Variants in GCA observed in about 807,000 individuals in gnomAD.
GCA encodes the protein grancalcin, EF-hand calcium-binding protein.
Under a neutral mutation model 32.6 loss-of-function variants are expected in GCA, and 30 were observed. The ratio of observed to expected loss-of-function variants is 0.92; its 90% CI spans 0.69 to 1.25. GCA has a LOEUF of 1.25. GCA is among the 50% of genes most tolerant of loss of function. GCA has a pLI of 0.00. For synonymous variants in GCA, 102 were observed against 84.6 expected (o/e 1.21, Z -1.13); for missense variants, 291 against 266.8 (o/e 1.09, Z -0.63).
intron 1 of GCA, among the ~76,000 whole-genome samples, chr2:162,334,111 C>T (rs1378702523): frequency 6.6e-6 from 1 of 152,194 alleles, no homozygotes; most frequent in Non-Finnish European, 1.5e-5. Flanking sequence ...AAAGCCTTCC[C>T]TTGCTTCCTT....
chr2:162,326,501 T>C (rs1683884923), intron 1 of GCA, among the ~76,000 whole-genome samples: 2 of 152,020 alleles, frequency 1.3e-5, no homozygotes, highest in Non-Finnish European at 2.9e-5. Context: ...GCATCCCTCA[T>C]TTCCCTTCTT....
At chr2:162,367,457 A>G (rs986902689), downstream of GCA, among the ~76,000 whole-genome samples, 1 of 152,026 alleles carries the variant, frequency 6.6e-6, no homozygotes, top group African/African-American at 2.4e-5. Context: ...GCCAGCCTTT[A>G]TAGAATACAT....
chr2:162,336,926 T>C (rs1684288815), intron 1 of GCA, among the ~76,000 whole-genome samples: 1 of 152,150 alleles, frequency 6.6e-6, no homozygotes, highest in African/African-American at 2.4e-5. Flanking sequence ...ATCTATTTTA[T>C]GCAATTTATC....
chr2:162,371,258 C>T (rs753803911), intron 4 of GCA: 70 of 1,005,392 alleles, frequency 7.0e-5, no homozygotes, highest in Non-Finnish European at 9.5e-5. Flanking sequence ...ATATGGCTTC[C>T]TATACTGTCA....
chr2:162,359,728 A>G (rs536589265), intron 7 of GCA, among the ~76,000 whole-genome samples, 176 bp downstream of exon 7: 1 of 151,302 alleles, frequency 6.6e-6, no homozygotes, highest in African/African-American at 2.4e-5. Flanking sequence ...GGTGCCAAAC[A>G]ATTTGACTTC....
intron 1 of GCA, among the ~76,000 whole-genome samples, chr2:162,332,322 A>AAAT (rs1553463268): frequency 1.5e-4 from 20 of 136,944 alleles, no homozygotes; most frequent in African/African-American, 5.2e-4. Context: ...AAAAAAAAAA[A>AAAT]ATATATATAT....
chr2:162,332,558 C>T (rs933317402), intron 1 of GCA, among the ~76,000 whole-genome samples: 4 of 151,762 alleles, frequency 2.6e-5, no homozygotes, highest in Non-Finnish European at 4.4e-5. Flanking sequence ...AGAATTACTT[C>T]GAAGGATTTT....
chr2:162,330,540 C>T (rs1362664049), intron 1 of GCA, among the ~76,000 whole-genome samples: 1 of 152,162 alleles, frequency 6.6e-6, no homozygotes, highest in Non-Finnish European at 1.5e-5. Context: ...GCTGATGTGG[C>T]CAATTCAGTC....
chr2:162,332,176 G>T (rs1432806684), intron 1 of GCA, among the ~76,000 whole-genome samples: 2 of 151,432 alleles, frequency 1.3e-5, no homozygotes, highest in Non-Finnish European at 2.9e-5. Flanking sequence ...GAGCATGGTG[G>T]CGGGCACCTG....
At chr2:162,322,414 T>TTTATTA (rs201262435) in intron 1 of GCA, among the ~76,000 whole-genome samples, 2 of 128,686 alleles carry the variant, frequency 1.6e-5, no homozygotes, top group African/African-American at 7.5e-5. Context: ...TATTTATTTA[T>TTTATTA]TTATTATTAT....
downstream of GCA, among the ~76,000 whole-genome samples, chr2:162,363,704 TG>T (rs1685666461): frequency 6.6e-6 from 1 of 151,500 alleles, no homozygotes; most frequent in Non-Finnish European, 1.5e-5. Flanking sequence ...CTGGGAAATC[TG>T]TGCTTTTAAT....
At chr2:162,323,130 G>A (rs1334337562) in intron 1 of GCA, among the ~76,000 whole-genome samples, 1 of 151,746 alleles carries the variant, frequency 6.6e-6, no homozygotes, top group Non-Finnish European at 1.5e-5. Flanking sequence ...TCTCATTGTG[G>A]TTTTGATTTG....
chr2:162,318,873 C>G (rs922224741), upstream of GCA: 4 of 209,294 alleles, frequency 1.9e-5, no homozygotes, highest in Admixed American at 1.1e-4. Context: ...AAGACCAACG[C>G]TCTAGCAAAG....
At chr2:162,374,698 A>G (rs1167339597), downstream of GCA, among the ~76,000 whole-genome samples, 1 of 152,180 alleles carries the variant, frequency 6.6e-6, no homozygotes, top group African/African-American at 2.4e-5. Context: ...CCTGGAAAAC[A>G]TGAGAAAATA....
Position 162,360,905 on chromosome 2 carries a change from A to C in GCA, c.*662A>C. The C allele has an allele frequency of 3.5e-6, 4 of 1,148,840 alleles. No individual in the cohort carries two copies. Among genetic ancestry groups the C allele is most frequent in the Non-Finnish European group, 4.3e-6 (4 of 925,350 alleles). 71.2% of individuals were successfully genotyped at this position (1,148,840 alleles called of 1,614,324 possible). A position where few individuals can be genotyped will look rare whatever the true frequency, so the allele number is the denominator to read the frequency against. ...GTTTTATTGTCTTCTCTAAGCAAAAAGTTCTTAATAAACATAGTATTTCTC... is the reference window on the plus strand; with the variant it reads ...GTTTTATTGTCTTCTCTAAGCAAAACGTTCTTAATAAACATAGTATTTCTC... On this transcript the variant is annotated 3_prime_UTR_variant, in exon 8 of 8. Transcript: ENST00000437150.
At chr2:162,344,432 T>C (rs1490368743) in intron 1 of GCA, 157 bp downstream of exon 1, 3 of 688,386 alleles carry the variant, frequency 4.4e-6, no homozygotes, top group Admixed American at 2.6e-5. Flanking sequence ...GGCCAGGGCC[T>C]GGGCGAGCAT....
At chr2:162,335,606 T>C (rs546913315) in intron 1 of GCA, among the ~76,000 whole-genome samples, 1 of 152,266 alleles carries the variant, frequency 6.6e-6, no homozygotes, top group East Asian at 1.9e-4. Context: ...TGAAACTTAA[T>C]CTAAAGCTAG....
chr2:162,332,132 A>G (rs985536445), intron 1 of GCA, among the ~76,000 whole-genome samples: 1 of 151,588 alleles, frequency 6.6e-6, no homozygotes, highest in Non-Finnish European at 1.5e-5. Flanking sequence ...ACATGGTGAA[A>G]CCCTGTCTCT....
chr2:162,371,593 T>C lies in GCA; in HGVS notation c.*213T>C, dbSNP rs1470308721. The stretch of plus-strand genomic sequence containing the variant: ...TGATTTAAAAAATAAAAATAAAAAA[T>C]AAGGTGCCGTGAGATGCTGGCAGTT... On this transcript the variant is annotated 3_prime_UTR_variant, in exon 5 of 5. Coordinates refer to the GCA transcript ENST00000414723. The C allele has an allele frequency of 9.3e-6, 8 of 861,616 alleles. No homozygotes were observed. In the Admixed American group the frequency reaches 9.9e-5, roughly 11 times the overall value. The allele number at this position is 861,616 out of a possible 1,614,324, so 53.4% of individuals were successfully genotyped here. A position where few individuals can be genotyped will look rare whatever the true frequency, so the allele number is the denominator to read the frequency against.
Sources: allele counts gnomAD v4.1 joint callset (sites outside exome capture counted in the v4.1 genomes callset), GRCh38; gene constraint gnomAD v4.1.1; transcripts MANE v1.5; gene names NCBI Gene and HGNC (gene_info 2026-07-23, HGNC 2026-07-21).